Variants in CR1L observed in about 807,000 individuals in gnomAD.
CR1L encodes complement C3b/C4b receptor 1 like, also known as complement component receptor 1-like protein.
In CR1L, 59 loss-of-function variants were observed where a neutral mutation model predicts 62.3. The observed-to-expected ratio is 0.95, with a 90% confidence interval of 0.77 to 1.18. The LOEUF is 1.18. Ranked by LOEUF, CR1L falls within the 50% of genes most tolerant of loss-of-function variation. The pLI is 0.00. For missense variants in CR1L, 700 were observed against 702.8 expected, an observed-to-expected ratio of 1.00 and a Z score of 0.04; for synonymous variants, 279 against 248.7, an observed-to-expected ratio of 1.12 and a Z score of -1.15.
chr1:207,645,355 C>T (rs1663102283), intron 1 of CR1L, 25 bp downstream of exon 1: 5 of 1,611,656 alleles, frequency 3.1e-6, no homozygotes, highest in Non-Finnish European at 4.2e-6. Context: ...TGGATTCGCG[C>T]GTCCGCGGCG....
chr1:207,669,986 CCTAAGT>C (rs1299432554), intron 1 of CR1L, among the ~76,000 whole-genome samples: 5 of 151,232 alleles, frequency 3.3e-5, no homozygotes, highest in African/African-American at 1.2e-4. Flanking sequence ...AGTTAGCACA[CCTAAGT>C]CTGTTTGCTC....
At chr1:207,690,936 TCTCAA>T (rs1220597933) in intron 4 of CR1L, among the ~76,000 whole-genome samples, 4 of 152,188 alleles carry the variant, frequency 2.6e-5, no homozygotes, top group African/African-American at 7.2e-5. Flanking sequence ...TCCAGAATGG[TCTCAA>T]CTCAAGATCA....
chr1:207,662,551 AT>A (rs977254443), intron 1 of CR1L, among the ~76,000 whole-genome samples: 6 of 151,796 alleles, frequency 4.0e-5, no homozygotes, highest in African/African-American at 1.2e-4. Flanking sequence ...CATTCATCTA[AT>A]TTTTTTTCAA....
chr1:207,698,617 C>T (rs1421558354), intron 7 of CR1L, among the ~76,000 whole-genome samples: 1 of 152,216 alleles, frequency 6.6e-6, no homozygotes, highest in Non-Finnish European at 1.5e-5. Flanking sequence ...CGGGGCCCAA[C>T]AGACATTGAG....
chr1:207,717,311 C>CA (rs1460243821), intron 10 of CR1L, among the ~76,000 whole-genome samples, 153 bp from the exon 11 acceptor site: 2 of 152,134 alleles, frequency 1.3e-5, no homozygotes, highest in African/African-American at 4.8e-5. Context: ...TGCCTCTCAA[C>CA]AAAAGCCTTA....
intron 9 of CR1L, among the ~76,000 whole-genome samples, chr1:207,702,008 A>G (rs1430525660): frequency 1.3e-5 from 2 of 152,188 alleles, no homozygotes; most frequent in East Asian, 3.9e-4. Context: ...TGCCATCAAA[A>G]AGTACAGGCC....
chr1:207,708,669 CT>C (rs1182406767), intron 10 of CR1L, among the ~76,000 whole-genome samples: 1 of 152,212 alleles, frequency 6.6e-6, no homozygotes, highest in East Asian at 1.9e-4. Context: ...CCTTCTTATT[CT>C]TTGTCTAAAC....
At chr1:207,691,324 A>T (rs941782724) in intron 4 of CR1L, among the ~76,000 whole-genome samples, 14 of 151,960 alleles carry the variant, frequency 9.2e-5, no homozygotes, top group African/African-American at 3.4e-4. Flanking sequence ...TCTTTCTTGT[A>T]TTTATATTAT....
In CR1L at chr1:207,706,154, G is replaced by T. The variant is rs562095368; in HGVS notation, c.1329-2024G>T. Among the ~76,000 whole-genome samples, 165 of 151,748 alleles carry T rather than the reference G, an allele frequency of 1.1e-3. 1 individual carries two copies. Among genetic ancestry groups the T allele is most frequent in the African/African-American group, 3.7e-3 (154 of 41,442 alleles). On this transcript the variant is annotated intron_variant, in intron 9 of 11. Coordinates refer to ENST00000508064, the MANE Select transcript of CR1L (RefSeq NM_175710.2). ...AAGGAGAAGATAGGTGGGCACAGTG[G>T]CTCACACCTGTAATCCCAACACTGA...
intron 1 of CR1L, among the ~76,000 whole-genome samples, chr1:207,655,464 C>T (rs1410239352): frequency 6.6e-6 from 1 of 151,932 alleles, no homozygotes; most frequent in Non-Finnish European, 1.5e-5. Flanking sequence ...AGTATTGATT[C>T]TTTTTGTTTT....
intron 1 of CR1L, among the ~76,000 whole-genome samples, chr1:207,672,445 C>G (rs746541679): frequency 6.3e-5 from 9 of 142,930 alleles, no homozygotes; most frequent in Non-Finnish European, 8.9e-5. Context: ...GACTTCAGCA[C>G]CTTTATCTTT....
At chr1:207,679,509 C>A (rs1017309175) in intron 3 of CR1L, among the ~76,000 whole-genome samples, 3 of 152,020 alleles carry the variant, frequency 2.0e-5, no homozygotes, top group African/African-American at 4.8e-5. Context: ...CAAAATGGCA[C>A]CATGACTTTG....
chr1:207,708,480 T>G (rs140221272), intron 10 of CR1L, among the ~76,000 whole-genome samples: 1 of 152,252 alleles, frequency 6.6e-6, no homozygotes. Context: ...TATTTTAAAC[T>G]AGTCTTGAGC....
intron 9 of CR1L, chr1:207,701,849 T>C (rs1230125637): frequency 2.9e-6 from 2 of 697,894 alleles, no homozygotes; most frequent in Admixed American, 2.1e-5. Flanking sequence ...GTTCACTGGA[T>C]GGGAAGGAAA....
At chr1:207,662,010 G>A (rs927078940) in intron 1 of CR1L, among the ~76,000 whole-genome samples, 42 of 152,086 alleles carry the variant, frequency 2.8e-4, no homozygotes, top group African/African-American at 9.9e-4. Flanking sequence ...TCTGCTGAGA[G>A]ATCCGCTGTT....
chr1:207,687,341 T>G (rs1183610595), intron 4 of CR1L, among the ~76,000 whole-genome samples: 1 of 152,226 alleles, frequency 6.6e-6, no homozygotes, highest in Admixed American at 6.5e-5. Context: ...ACAATTTTCT[T>G]GTACCATGTA....
chr1:207,721,453 G>A (rs1040209566), intron 11 of CR1L, among the ~76,000 whole-genome samples: 1 of 150,464 alleles, frequency 6.6e-6, no homozygotes, highest in Non-Finnish European at 1.5e-5. Context: ...TTGGTTTTTC[G>A]TTCTTGCGAT....
chr1:207,694,432 A>G lies in CR1L; in HGVS notation c.543A>G (p.Ser181=), dbSNP rs373370764. 28 of 1,613,906 alleles carry G rather than the reference A, an allele frequency of 1.7e-5. No individual in the cohort carries two copies. Among genetic ancestry groups the G allele is most frequent in the Non-Finnish European group, 2.4e-5 (28 of 1,179,906 alleles). The part of the protein sequence containing the change: ...SISREYFHYG[S]VVTYHCNLGS... ...GCAGAGAGTATTTTCACTATGGATC[A>G]GTGGTGACCTACCACTGCAATCTTG... The change falls in exon 5 of 12, where the codon TCA becomes TCG. Residue 181 remains serine (S), a synonymous_variant. Coordinates refer to ENST00000508064, the MANE Select transcript of CR1L (RefSeq NM_175710.2).
chr1:207,697,394 AC>A (rs777378435), intron 5 of CR1L, 108 bp from the exon 6 acceptor site: 18 of 1,597,456 alleles, frequency 1.1e-5, no homozygotes, highest in South Asian at 4.5e-5. Flanking sequence ...CTGTTATTCT[AC>A]CTTTTTTGTT....
Sources: gnomAD v4.1 joint callset for allele counts (sites outside exome capture counted in the v4.1 genomes callset) on GRCh38, gnomAD v4.1.1 for gene constraint, MANE v1.5 for transcripts, NCBI Gene and HGNC (gene_info 2026-07-23, HGNC 2026-07-21) for gene names.